The following RASA1 variants were observed in gnomAD, a reference collection of about 807,000 sequenced individuals.
RASA1 encodes the protein ras GTPase-activating protein 1.
A neutral mutation model predicts 132.2 loss-of-function variants in RASA1; 25 were observed. The observed-to-expected ratio is 0.19, with a 90% CI of 0.14 to 0.26. The LOEUF is 0.26. Ranked by LOEUF, RASA1 falls within the 10% of genes least tolerant of loss-of-function variation. The pLI is 1.00. For missense variants in RASA1, 964 were observed against 1,299.2 expected (o/e 0.74, Z 3.97); for synonymous variants, 477 against 449.9 (o/e 1.06, Z -0.76).
At chr5:87,307,719 A>G (rs996778259) in intron 1 of RASA1, among the ~76,000 whole-genome samples, 3 of 152,216 alleles carry the variant, frequency 2.0e-5, no homozygotes, top group Non-Finnish European at 4.4e-5. Context: ...CAGTCTTAAC[A>G]AAATGTTGAC....
At chr5:87,338,536 A>ATATTTTTTTT in intron 5 of RASA1, among the ~76,000 whole-genome samples, 23 of 85,216 alleles carry the variant, frequency 2.7e-4, no homozygotes, top group African/African-American at 9.3e-4. Flanking sequence ...TATATATAAA[A>ATATTTTTTTT]TTTTTTTTTT....
In RASA1 at chr5:87,378,432, C is replaced by G; in HGVS notation, c.2381C>G (p.Ala794Gly). ...ATTLFRATTLASTLMEQYMKA... is the reference protein window; with the variant it reads ...ATTLFRATTLGSTLMEQYMKA... ...ACCCTATTTCGAGCCACAACACTTGCAAGCACCTTGATGGAGCAGTATATG... is the reference window on the plus strand; with the variant it reads ...ACCCTATTTCGAGCCACAACACTTGGAAGCACCTTGATGGAGCAGTATATG... Residue 794 changes from alanine (A) to glycine (G), a missense_variant, in exon 18 of 25, where the codon GCA becomes GGA. Ala to Gly is a moderately conservative substitution (Grantham distance 60). This residue lies in a region of RASA1 where 346 missense variants were observed against 520.1 expected (regional missense o/e 0.67). Coordinates refer to ENST00000274376, the MANE Select transcript of RASA1 (RefSeq NM_002890.3). The G allele has an allele frequency of 6.2e-7, 1 of 1,612,946 alleles. No individual in the cohort carries two copies. Among genetic ancestry groups the G allele is most frequent in the Non-Finnish European group, 8.5e-7 (1 of 1,179,030 alleles).
intron 11 of RASA1, 108 bp from the exon 12 acceptor site, chr5:87,369,705 G>A (rs1484387683): frequency 3.9e-6 from 3 of 771,938 alleles, no homozygotes; most frequent in Admixed American, 2.3e-5. Flanking sequence ...ATTTCTTTAA[G>A]AATTATAATT....
At chr5:87,338,911 G>A (rs569585068) in intron 5 of RASA1, among the ~76,000 whole-genome samples, 7 of 151,678 alleles carry the variant, frequency 4.6e-5, no homozygotes, top group African/African-American at 1.2e-4. Flanking sequence ...CATATAATAC[G>A]TTATCATGGT....
chr5:87,306,202 G>A (rs1755602399), intron 1 of RASA1, among the ~76,000 whole-genome samples: 1 of 152,110 alleles, frequency 6.6e-6, no homozygotes. Context: ...CGGTAGCAGA[G>A]ACATGGAATC....
intron 21 of RASA1, among the ~76,000 whole-genome samples, chr5:87,384,979 C>CT (rs148920849): frequency 0.012 from 1,812 of 152,036 alleles, 30 homozygotes; most frequent in African/African-American, 0.041. Flanking sequence ...GAGTGACAAT[C>CT]TTTTTTAGTG....
rs746490278 is a variant in RASA1, at chr5:87,391,222, A to G, written c.*339A>G. 10 of 437,266 alleles carry G rather than the reference A, an allele frequency of 2.3e-5. No homozygotes were observed. Among genetic ancestry groups the G allele is most frequent in the Non-Finnish European group, 3.4e-5 (8 of 237,626 alleles). 27.1% of individuals were successfully genotyped at this position (437,266 alleles called of 1,614,324 possible). A position where few individuals can be genotyped will look rare whatever the true frequency, so the allele number is the denominator to read the frequency against. ...TATATTTTCAGTACACCCAGTTGCC[A>G]AAGTTTTGCTGTCTCTTAGAGAAAG... On this transcript the variant is annotated 3_prime_UTR_variant, in exon 25 of 25. Coordinates refer to ENST00000274376, the MANE Select transcript of RASA1 (RefSeq NM_002890.3).
At chr5:87,331,681 G>A (rs1347770773) in intron 2 of RASA1, among the ~76,000 whole-genome samples, 181 bp downstream of exon 2, 1 of 151,970 alleles carries the variant, frequency 6.6e-6, no homozygotes, top group Non-Finnish European at 1.5e-5. Context: ...TACATTTTTT[G>A]TTTAAAAACA....
At chr5:87,293,412 T>C (rs538735019) in intron 1 of RASA1, among the ~76,000 whole-genome samples, 39 of 152,324 alleles carry the variant, frequency 2.6e-4, no homozygotes, top group Non-Finnish European at 5.3e-4. Context: ...CATTGATTTT[T>C]AAAAATGTTG....
At position 87,268,443 on chromosome 5, in the gene RASA1, G is replaced by A. The variant is rs2112221957; in HGVS notation, c.-9G>A. The stretch of plus-strand genomic sequence containing the variant: ...GGGCAGGGTAGGGCAGAGTAGAGCG[G>A]GCTTCAACATGATGGCGGCCGAGGC... On this transcript the variant is annotated 5_prime_UTR_variant, in exon 1 of 25. Transcript: ENST00000274376. 6.5e-7 allele frequency: 1 copy of A among 1,543,522 alleles called. No individual in the cohort carries two copies. The highest frequency in any genetic ancestry group is 1.4e-5 in the African/African-American group (1 of 73,018).
intron 8 of RASA1, among the ~76,000 whole-genome samples, chr5:87,350,346 A>G (rs1419709344): frequency 1.3e-5 from 2 of 151,808 alleles, no homozygotes; most frequent in Non-Finnish European, 2.9e-5. Context: ...AAATACAGCT[A>G]GCTGCAATTT....
chr5:87,345,140 G>C (rs896510543), intron 6 of RASA1, among the ~76,000 whole-genome samples: 4 of 152,044 alleles, frequency 2.6e-5, no homozygotes, highest in Non-Finnish European at 4.4e-5. Context: ...TCCCACGCCT[G>C]GCCTAGGAGT....
At chr5:87,280,897 C>T (rs1754288798) in intron 1 of RASA1, among the ~76,000 whole-genome samples, 2 of 148,158 alleles carry the variant, frequency 1.3e-5, no homozygotes, top group East Asian at 2.1e-4. Context: ...GCTGGACTAC[C>T]GGCGCCTGCC....
chr5:87,346,189 C>T (rs1042392814), intron 6 of RASA1, among the ~76,000 whole-genome samples: 1 of 152,014 alleles, frequency 6.6e-6, no homozygotes, highest in South Asian at 2.1e-4. Context: ...GCTATCCACT[C>T]ATTCTTATCA....
chr5:87,275,594 T>TGAGATG lies in RASA1; in HGVS notation c.539+6608_539+6613dup, dbSNP rs567803092. On this transcript the variant is annotated intron_variant, in intron 1 of 24. Coordinates refer to ENST00000274376, the MANE Select transcript of RASA1 (RefSeq NM_002890.3). The stretch of plus-strand genomic sequence containing the variant: ...TGGCCTTCTTTTTTTTTTTCCCCCC[T>TGAGATG]GAGATGGAGTCTTGCCCTGTCGCCC... Among the ~76,000 whole-genome samples the TGAGATG allele has an allele frequency of 3.3e-3, 499 of 151,818 alleles. 2 individuals carry two copies. The highest frequency in any genetic ancestry group is 5.3e-3 in the Non-Finnish European group (359 of 67,912).
intron 1 of RASA1, among the ~76,000 whole-genome samples, chr5:87,296,596 A>G (rs1363423424): frequency 1.4e-5 from 2 of 146,668 alleles, no homozygotes; most frequent in Non-Finnish European, 3.0e-5. Context: ...TTTTAGGTTC[A>G]TGTTTTTTTT....
chr5:87,280,773 T>G (rs1754281973), intron 1 of RASA1, among the ~76,000 whole-genome samples: 2 of 152,094 alleles, frequency 1.3e-5, no homozygotes, highest in Non-Finnish European at 1.5e-5. Flanking sequence ...TTCTTTTTTT[T>G]TGAGACAGAG....
intron 1 of RASA1, among the ~76,000 whole-genome samples, chr5:87,319,096 G>A (rs964696004): frequency 6.6e-6 from 1 of 152,216 alleles, no homozygotes; most frequent in Non-Finnish European, 1.5e-5. Context: ...TCCAGGGCAC[G>A]CTGATGCAAG....
At position 87,389,421 on chromosome 5, in the gene RASA1, A is replaced by G; in HGVS notation, c.2954A>G (p.Glu985Gly). ...GTACCTGAACTTCCGGACACTACAG[A>G]GCATTCTAGAACGGACCTGTCCCGT... ...GNVPELPDTT[E>G]HSRTDLSRDL... is the part of the protein sequence containing the mutation. The change falls in exon 24 of 25, where the codon GAG becomes GGG. Residue 985 changes from glutamate to glycine, a missense_variant. Physicochemically the swap from Glu to Gly is moderately conservative, Grantham distance 98 (BLOSUM62 -2). Coordinates refer to ENST00000274376, the MANE Select transcript of RASA1 (RefSeq NM_002890.3). The G allele has an allele frequency of 4.3e-6, 7 of 1,614,150 alleles. No homozygotes were observed. The highest frequency in any genetic ancestry group is 5.9e-6 in the Non-Finnish European group (7 of 1,179,968).
Sources: gnomAD v4.1 joint callset for allele counts (sites outside exome capture counted in the v4.1 genomes callset) on GRCh38, gnomAD v4.1.1 for gene constraint, gnomAD v4.1.1 regional missense constraint, MANE v1.5 for transcripts, NCBI Gene and HGNC (gene_info 2026-07-23, HGNC 2026-07-21) for gene names.